Variants in CDH12 observed in about 807,000 individuals in gnomAD.
The protein encoded by CDH12 is cadherin-12.
Under a neutral mutation model 74.1 loss-of-function variants are expected in CDH12, and 41 were observed. That is an observed-to-expected ratio of 0.55 (90% CI 0.43 to 0.72). The LOEUF is 0.72. Ranked by LOEUF, CDH12 falls within the 30% of genes least tolerant of loss-of-function variation. CDH12 has a pLI of 0.00. For missense variants in CDH12, 945 were observed against 977.2 expected (o/e 0.97, Z 0.44); for synonymous variants, 399 against 355.0 (o/e 1.12, Z -1.39).
intron 1 of CDH12, among the ~76,000 whole-genome samples, chr5:22,823,360 C>G (rs180988468): frequency 3.0e-4 from 45 of 152,026 alleles, no homozygotes; most frequent in Non-Finnish European, 3.5e-4. Flanking sequence ...TTGTGCACAT[C>G]TATCCTAAAA....
chr5:22,539,275 T>G (rs1737994005), intron 1 of CDH12, among the ~76,000 whole-genome samples: 1 of 152,184 alleles, frequency 6.6e-6, no homozygotes, highest in Non-Finnish European at 1.5e-5. Context: ...CTTTCTTGAC[T>G]GTACATAAAG....
chr5:22,431,506 C>T (rs556055912), intron 2 of CDH12, among the ~76,000 whole-genome samples: 1 of 152,338 alleles, frequency 6.6e-6, no homozygotes, highest in South Asian at 2.1e-4. Context: ...TATGTATTTA[C>T]TATACTATTC....
At chr5:21,923,277 G>A (rs1343362532) in intron 6 of CDH12, among the ~76,000 whole-genome samples, 1 of 152,044 alleles carries the variant, frequency 6.6e-6, no homozygotes, top group Non-Finnish European at 1.5e-5. Context: ...AAAAGATTTT[G>A]AGAAGCAATC....
At chr5:22,842,672 A>C (rs1581054872) in intron 1 of CDH12, among the ~76,000 whole-genome samples, 1 of 152,276 alleles carries the variant, frequency 6.6e-6, no homozygotes, top group East Asian at 1.9e-4. Context: ...CCATAGTAAA[A>C]TTTAAAATGT....
chr5:22,676,722 G>C (rs2126922449), intron 1 of CDH12, among the ~76,000 whole-genome samples: 1 of 152,256 alleles, frequency 6.6e-6, no homozygotes, highest in East Asian at 1.9e-4. Flanking sequence ...AGTATTCACA[G>C]TGTGGTAAGT....
At chr5:21,857,193 A>G (rs181746330) in intron 6 of CDH12, among the ~76,000 whole-genome samples, 26 of 152,034 alleles carry the variant, frequency 1.7e-4, no homozygotes, top group Admixed American at 1.5e-3. Context: ...CCCAGGAGGT[A>G]AGAGCAGGAG....
intron 4 of CDH12, among the ~76,000 whole-genome samples, chr5:22,115,113 A>G (rs558994628): frequency 6.4e-4 from 98 of 152,114 alleles, no homozygotes; most frequent in Non-Finnish European, 1.2e-3. Context: ...ATTTACATAG[A>G]TGCTATTTGA....
chr5:22,394,451 G>A (rs188749151), intron 3 of CDH12, among the ~76,000 whole-genome samples: 169 of 152,248 alleles, frequency 1.1e-3, no homozygotes, highest in Middle Eastern at 6.8e-3. Flanking sequence ...AAATGTGTGT[G>A]AACCTTCAAG....
chr5:22,814,807 C>T (rs1006040547), intron 1 of CDH12, among the ~76,000 whole-genome samples: 2 of 151,940 alleles, frequency 1.3e-5, no homozygotes, highest in African/African-American at 2.4e-5. Flanking sequence ...TAAAACATAC[C>T]ATGTACAATG....
chr5:22,022,716 A>C (rs761359883), intron 5 of CDH12, among the ~76,000 whole-genome samples: 28 of 152,074 alleles, frequency 1.8e-4, no homozygotes, highest in Non-Finnish European at 4.0e-4. Context: ...CTATTTAATA[A>C]TTTTCTTGCT....
At chr5:22,824,810 C>T (rs1279463731) in intron 1 of CDH12, among the ~76,000 whole-genome samples, 3 of 151,640 alleles carry the variant, frequency 2.0e-5, no homozygotes, top group African/African-American at 7.3e-5. Flanking sequence ...AACAACATAA[C>T]AACAATAGCA....
chr5:22,386,119 C>A (rs1026382360), intron 3 of CDH12, among the ~76,000 whole-genome samples: 1 of 151,892 alleles, frequency 6.6e-6, no homozygotes, highest in Non-Finnish European at 1.5e-5. Flanking sequence ...CTCAAACTCC[C>A]GACCTCAGGT....
chr5:22,793,677 T>C (rs1748036864), intron 1 of CDH12, among the ~76,000 whole-genome samples: 1 of 152,160 alleles, frequency 6.6e-6, no homozygotes. Context: ...TGCTATGATA[T>C]AGTCTTAAAA....
chr5:22,597,039 T>C (rs1010497311), intron 1 of CDH12, among the ~76,000 whole-genome samples: 1 of 152,140 alleles, frequency 6.6e-6, no homozygotes, highest in Non-Finnish European at 1.5e-5. Context: ...AATCGCTGGA[T>C]TACTCTTTCT....
intron 1 of CDH12, among the ~76,000 whole-genome samples, chr5:22,731,942 C>T (rs979916067): frequency 3.3e-5 from 5 of 151,710 alleles, no homozygotes; most frequent in African/African-American, 1.2e-4. Flanking sequence ...AGACATTTGC[C>T]TAAATACATA....
chr5:22,246,965 T>A (rs1403255907), intron 3 of CDH12, among the ~76,000 whole-genome samples: 1 of 152,192 alleles, frequency 6.6e-6, no homozygotes, highest in African/African-American at 2.4e-5. Flanking sequence ...TCTAAAGCAT[T>A]TAATAAAGTT....
intron 3 of CDH12, among the ~76,000 whole-genome samples, chr5:22,359,157 T>C (rs6895096): frequency 0.45 from 67,810 of 151,812 alleles, 16,325 homozygotes; most frequent in Non-Finnish European, 0.54. Flanking sequence ...GAGTCAAGAC[T>C]CATCATAGTG....
chr5:22,275,172 T>C (rs184965513), intron 3 of CDH12, among the ~76,000 whole-genome samples: 73 of 152,140 alleles, frequency 4.8e-4, no homozygotes, highest in African/African-American at 1.6e-3. Context: ...AGACATCTAA[T>C]TCATGCAGGG....
intron 1 of CDH12, among the ~76,000 whole-genome samples, chr5:22,780,969 A>C (rs1301214407): frequency 6.6e-6 from 1 of 152,106 alleles, no homozygotes; most frequent in Non-Finnish European, 1.5e-5. Context: ...GGAAAAGCAA[A>C]CACCCTATAA....
Sources: allele counts gnomAD v4.1 joint callset (sites outside exome capture counted in the v4.1 genomes callset), GRCh38; gene constraint gnomAD v4.1.1; transcripts MANE v1.5; gene names NCBI Gene and HGNC (gene_info 2026-07-23, HGNC 2026-07-21).